KCNIP4: variants seen among roughly 807,000 people sequenced by gnomAD.
KCNIP4 encodes Kv channel-interacting protein 4.
Under a neutral mutation model 34.0 loss-of-function variants are expected in KCNIP4, and 12 were observed. That is an observed-to-expected ratio of 0.35 (90% confidence interval 0.23 to 0.57). The LOEUF is 0.57. Among genes scored for constraint, KCNIP4 ranks in the 20% least tolerant of loss-of-function variants. The pLI, the probability that KCNIP4 is intolerant of heterozygous loss-of-function variation, is 0.83. For synonymous variants in KCNIP4, 124 were observed against 102.2 expected (o/e 1.21, Z -1.29); for missense variants, 238 against 311.7 (o/e 0.76, Z 1.78).
intron 1 of KCNIP4, among the ~76,000 whole-genome samples, chr4:20,941,549 G>A (rs541838294): frequency 2.8e-4 from 43 of 151,702 alleles, no homozygotes; most frequent in African/African-American, 9.0e-4. Context: ...TATGATGATT[G>A]ATTATTTAAA....
chr4:20,959,979 A>G (rs1429780385), intron 1 of KCNIP4, among the ~76,000 whole-genome samples: 2 of 152,214 alleles, frequency 1.3e-5, no homozygotes, highest in African/African-American at 4.8e-5. Flanking sequence ...GTTTGCCATT[A>G]TTTCATTTTT....
At chr4:21,320,964 T>TTAAAAAAAAAAAAAAAAAAAAAAAA (rs1553860312) in intron 1 of KCNIP4, among the ~76,000 whole-genome samples, 3 of 102,904 alleles carry the variant, frequency 2.9e-5, no homozygotes, top group East Asian at 2.6e-4. Context: ...GAATCTGTCT[T>TTAAAAAAAAAAAAAAAAAAAAAAAA]AAAAAAAAAA....
At chr4:21,755,927 AT>A (rs1440213453) in intron 1 of KCNIP4, among the ~76,000 whole-genome samples, 2 of 152,102 alleles carry the variant, frequency 1.3e-5, no homozygotes, top group Non-Finnish European at 2.9e-5. Flanking sequence ...AATAAATTGC[AT>A]TTTCCCTTAG....
At chr4:21,700,825 T>C (rs1712772844) in intron 1 of KCNIP4, among the ~76,000 whole-genome samples, 1 of 152,178 alleles carries the variant, frequency 6.6e-6, no homozygotes, top group African/African-American at 2.4e-5. Context: ...GGTTATCCAG[T>C]TTTCCCAACA....
chr4:20,770,474 C>A (rs1476452581), intron 3 of KCNIP4, among the ~76,000 whole-genome samples: 24 of 146,158 alleles, frequency 1.6e-4, no homozygotes, highest in African/African-American at 1.0e-4. Flanking sequence ...TAATATTGAC[C>A]AAAAAAAAAA....
At chr4:20,808,342 GAC>G (rs1262058299) in intron 3 of KCNIP4, among the ~76,000 whole-genome samples, 1 of 152,154 alleles carries the variant, frequency 6.6e-6, no homozygotes, top group East Asian at 1.9e-4. Context: ...ATGCAAAAAT[GAC>G]AGAGGACACA....
intron 1 of KCNIP4, among the ~76,000 whole-genome samples, chr4:21,835,597 T>TG (rs1264881992): frequency 9.5e-5 from 12 of 126,836 alleles, no homozygotes; most frequent in Non-Finnish European, 2.2e-4. Context: ...TTGTTAGTTT[T>TG]TTTTTGTTGT....
intron 1 of KCNIP4, among the ~76,000 whole-genome samples, chr4:21,873,252 A>T (rs1037561837): frequency 2.6e-5 from 4 of 152,166 alleles, no homozygotes; most frequent in Non-Finnish European, 5.9e-5. Flanking sequence ...TTGTAGTAAA[A>T]AGGTTTCCTC....
intron 1 of KCNIP4, among the ~76,000 whole-genome samples, chr4:20,884,771 G>A (rs552598342): frequency 8.7e-5 from 13 of 149,758 alleles, no homozygotes; most frequent in South Asian, 2.1e-4. Context: ...GCAGTGGCGC[G>A]ATCTCAGTTC....
intron 1 of KCNIP4, among the ~76,000 whole-genome samples, chr4:21,427,074 A>T (rs1336303061): frequency 1.3e-5 from 2 of 152,008 alleles, no homozygotes; most frequent in African/African-American, 4.8e-5. Flanking sequence ...TTGGGTTGGA[A>T]TTTTCAATAC....
intron 1 of KCNIP4, among the ~76,000 whole-genome samples, chr4:21,006,022 C>A (rs1422852983): frequency 6.6e-6 from 1 of 152,132 alleles, no homozygotes; most frequent in Non-Finnish European, 1.5e-5. Context: ...AATAGAGAGC[C>A]TTAAAATGGA....
chr4:21,423,769 T>C lies in KCNIP4; in HGVS notation c.61+524802A>G, dbSNP rs371799812. Among the ~76,000 whole-genome samples, 4 of 152,238 alleles carry C rather than the reference T, an allele frequency of 2.6e-5. No individual in the cohort carries two copies. The East Asian group carries it at 5.8e-4, about 22-fold the overall frequency. On this transcript the variant is annotated intron_variant, in intron 1 of 8. Transcript: ENST00000382152. ...AGCCAGCATTTGCTCTTTGTTTCAATGTACAGTATCCTATATTTGAGCCAT... is the reference window on the plus strand; with the variant it reads ...AGCCAGCATTTGCTCTTTGTTTCAACGTACAGTATCCTATATTTGAGCCAT...
intron 1 of KCNIP4, among the ~76,000 whole-genome samples, chr4:21,310,287 C>T (rs1713008152): frequency 6.6e-6 from 1 of 152,162 alleles, no homozygotes; most frequent in African/African-American, 2.4e-5. Context: ...CCGTCCGCCT[C>T]TGCCTCCCAA....
At chr4:21,143,806 C>T (rs986812123) in intron 1 of KCNIP4, among the ~76,000 whole-genome samples, 30 of 151,772 alleles carry the variant, frequency 2.0e-4, no homozygotes, top group African/African-American at 7.0e-4. Context: ...CAGGTTCAAG[C>T]AATTCTCTAC....
chr4:21,136,739 T>C (rs570003931), intron 1 of KCNIP4, among the ~76,000 whole-genome samples: 2 of 152,244 alleles, frequency 1.3e-5, no homozygotes, highest in East Asian at 3.9e-4. Context: ...TCCAGCAATA[T>C]AAATTCTACA....
chr4:20,802,566 C>T (rs979401907), intron 3 of KCNIP4, among the ~76,000 whole-genome samples: 2 of 152,072 alleles, frequency 1.3e-5, no homozygotes, highest in Non-Finnish European at 2.9e-5. Context: ...TTTTTTCACA[C>T]ATGGAACATT....
chr4:21,764,619 G>A (rs1298543529), intron 1 of KCNIP4, among the ~76,000 whole-genome samples: 1 of 152,142 alleles, frequency 6.6e-6, no homozygotes, highest in East Asian at 1.9e-4. Context: ...ACATGAGAGG[G>A]TGGTGATGGC....
chr4:21,812,942 A>G (rs1215267429), intron 1 of KCNIP4, among the ~76,000 whole-genome samples: 2 of 152,128 alleles, frequency 1.3e-5, no homozygotes, highest in Non-Finnish European at 2.9e-5. Flanking sequence ...AAGACTTGAG[A>G]TACAGGATTC....
intron 1 of KCNIP4, among the ~76,000 whole-genome samples, chr4:21,359,240 A>G (rs1560325936): frequency 6.6e-6 from 1 of 152,002 alleles, no homozygotes; most frequent in African/African-American, 2.4e-5. Context: ...TGAGCTGGGA[A>G]ATTTCTTCTC....
Sources: gnomAD v4.1 joint callset for allele counts (sites outside exome capture counted in the v4.1 genomes callset) on GRCh38, gnomAD v4.1.1 for gene constraint, MANE v1.5 for transcripts, NCBI Gene and HGNC (gene_info 2026-07-23, HGNC 2026-07-21) for gene names.